The following AHCYL2 variants were observed in gnomAD, a reference collection of about 807,000 sequenced individuals.
The protein encoded by AHCYL2 is adenosylhomocysteinase like 2.
Under a neutral mutation model 81.4 loss-of-function variants are expected in AHCYL2, and 28 were observed. The ratio of observed to expected loss-of-function variants is 0.34; its 90% CI spans 0.25 to 0.47. The LOEUF is 0.47. Ranked by LOEUF, AHCYL2 falls within the 20% of genes least tolerant of loss-of-function variation. The pLI is 1.00. For synonymous variants in AHCYL2, 272 were observed against 290.2 expected (o/e 0.94, Z 0.64); for missense variants, 551 against 785.1 (o/e 0.70, Z 3.56).
intron 8 of AHCYL2, chr7:129,405,532 C>T: frequency 2.7e-6 from 1 of 365,270 alleles, no homozygotes. Flanking sequence ...GGAAAAAAAC[C>T]CTTACATATA....
intron 1 of AHCYL2, among the ~76,000 whole-genome samples, chr7:129,245,706 A>G (rs1246339106): frequency 6.6e-6 from 1 of 152,220 alleles, no homozygotes; most frequent in African/African-American, 2.4e-5. Flanking sequence ...AGGGTGAATA[A>G]TATTCCATTT....
At chr7:129,304,463 G>A (rs771247068) in intron 1 of AHCYL2, among the ~76,000 whole-genome samples, 1 of 152,178 alleles carries the variant, frequency 6.6e-6, no homozygotes, top group African/African-American at 2.4e-5. Flanking sequence ...TGATCTGTCC[G>A]ATGCTGAAAA....
intron 1 of AHCYL2, among the ~76,000 whole-genome samples, chr7:129,273,555 C>T (rs1584730267): frequency 6.8e-6 from 1 of 147,674 alleles, no homozygotes; most frequent in South Asian, 2.2e-4. Flanking sequence ...CTCGAACTCC[C>T]GACCTCAGGT....
At chr7:129,338,531 G>A (rs969708818) in intron 1 of AHCYL2, among the ~76,000 whole-genome samples, 2 of 152,254 alleles carry the variant, frequency 1.3e-5, no homozygotes, top group Admixed American at 1.3e-4. Context: ...CTCACCTGCA[G>A]TGGATGTGAG....
intron 1 of AHCYL2, among the ~76,000 whole-genome samples, chr7:129,329,583 G>C (rs1798346150): frequency 6.6e-6 from 1 of 152,202 alleles, no homozygotes; most frequent in Admixed American, 6.5e-5. Flanking sequence ...AGGAATGAAG[G>C]CAATTTTGTG....
rs929977211 is a variant in AHCYL2 at position 129,427,155 on chromosome 7, C to T, written c.*110C>T. 2.5e-5 allele frequency: 28 copies of T among 1,119,074 alleles called. No homozygotes were observed. In the African/African-American group the frequency reaches 3.0e-4, roughly 12 times the overall value. The allele number at this position is 1,119,074 out of a possible 1,614,324, so 69.3% of individuals were successfully genotyped here. ...TGCTTCTCCAATCAAAGCTGCCTGC[C>T]GTGCTCACCCTGTGTGTTAGGTTAT... On this transcript the variant is annotated 3_prime_UTR_variant, in exon 17 of 17. Coordinates refer to ENST00000325006, the MANE Select transcript of AHCYL2 (RefSeq NM_015328.4). The surrounding 1 kb of genome is among the most constrained non-coding windows in gnomAD (Gnocchi z 5.5).
intron 1 of AHCYL2, among the ~76,000 whole-genome samples, chr7:129,281,357 G>T (rs969166355): frequency 1.3e-5 from 2 of 152,024 alleles, no homozygotes; most frequent in South Asian, 4.1e-4. Flanking sequence ...TTAGGATAAT[G>T]CTGACATCAT....
intron 1 of AHCYL2, among the ~76,000 whole-genome samples, chr7:129,338,166 CTTT>C (rs528691946): frequency 2.1e-5 from 3 of 146,142 alleles, no homozygotes; most frequent in Non-Finnish European, 3.0e-5. Flanking sequence ...ATGCATTGTA[CTTT>C]TTTTTTTTTA....
In AHCYL2 at chr7:129,425,103, G is replaced by A. The variant is rs905747467; in HGVS notation, c.1670G>A (p.Arg557His). The change falls in exon 15 of 17, where the codon CGC becomes CAC. Residue 557 changes from arginine to histidine, a missense_variant. Physicochemically the swap from Arg to His is conservative, Grantham distance 29. This residue lies in a region of AHCYL2 where 316 missense variants were observed against 543.1 expected (regional missense o/e 0.58). Transcript: ENST00000325006. ...GAGCTTTACAATGCTCCTGAGGGTC[G>A]CTATAAGCAGGATGTCTACCTGTTG... ...LIELYNAPEG[R>H]YKQDVYLLPK... The A allele has an allele frequency of 5.0e-6, 8 of 1,613,370 alleles. No homozygotes were observed. Among genetic ancestry groups the A allele is most frequent in the African/African-American group, 4.0e-5 (3 of 74,882 alleles).
At chr7:129,229,053 T>TA (rs1223633713) in intron 1 of AHCYL2, among the ~76,000 whole-genome samples, 1 of 100,302 alleles carries the variant, frequency 1.0e-5, no homozygotes, top group Non-Finnish European at 2.1e-5. Flanking sequence ...TAGTTACCAA[T>TA]AATTAGCCTT....
intron 1 of AHCYL2, among the ~76,000 whole-genome samples, chr7:129,259,297 G>A (rs1204471046): frequency 1.3e-5 from 2 of 152,072 alleles, no homozygotes; most frequent in African/African-American, 4.8e-5. Flanking sequence ...AGCAGCACAG[G>A]AGCGACAAAT....
At chr7:129,416,569 G>A (rs1028540117) in intron 12 of AHCYL2, among the ~76,000 whole-genome samples, 8 of 151,654 alleles carry the variant, frequency 5.3e-5, no homozygotes, top group African/African-American at 1.9e-4. Flanking sequence ...AGGCCGAGAC[G>A]GGTGGATCAC....
chr7:129,425,056 T>A lies in AHCYL2; in HGVS notation c.1630-7T>A, dbSNP rs1562881900. On this transcript the variant is annotated splice_polypyrimidine_tract_variant and splice_region_variant and intron_variant, in intron 14 of 16. Transcript: ENST00000325006. ...GCACATCAGCATCCATCTCTCTGCT[T>A]TTCTAGGCTCTTGCCTTGATAGAGC... is the stretch of plus-strand genomic sequence containing the variant. 1 of 1,613,898 alleles carries A rather than the reference T, an allele frequency of 6.2e-7. No homozygotes were observed. Among genetic ancestry groups the A allele is most frequent in the Admixed American group, 1.7e-5 (1 of 60,024 alleles).
intron 1 of AHCYL2, among the ~76,000 whole-genome samples, chr7:129,370,247 C>T (rs907157379): frequency 6.6e-6 from 1 of 152,170 alleles, no homozygotes; most frequent in South Asian, 2.1e-4. Flanking sequence ...CATTTACCTT[C>T]TTTCTAGTTA....
chr7:129,422,415 C>T (rs1797159834), intron 12 of AHCYL2, among the ~76,000 whole-genome samples: 1 of 152,204 alleles, frequency 6.6e-6, no homozygotes, highest in Non-Finnish European at 1.5e-5. Context: ...GTTTCTTCAG[C>T]ACTTATATAT....
chr7:129,340,563 G>A (rs1203806865), intron 1 of AHCYL2, among the ~76,000 whole-genome samples: 3 of 139,722 alleles, frequency 2.1e-5, no homozygotes, highest in Non-Finnish European at 3.1e-5. Flanking sequence ...GCGAGACTCC[G>A]TCTCAAAAAA....
chr7:129,358,516 T>A (rs904137193), intron 1 of AHCYL2, among the ~76,000 whole-genome samples: 2 of 152,216 alleles, frequency 1.3e-5, no homozygotes. Context: ...ATTGTATGAT[T>A]CCACCTATAT....
intron 1 of AHCYL2, among the ~76,000 whole-genome samples, chr7:129,233,832 C>T (rs1011799881): frequency 1.3e-5 from 2 of 152,076 alleles, no homozygotes; most frequent in African/African-American, 4.8e-5. Flanking sequence ...CAGTCATAGG[C>T]TTTATGCCTC....
rs1797378040 is a variant in AHCYL2 at position 129,426,646 on chromosome 7, A to G, written c.1829+83A>G. 1 of 1,532,192 alleles carries G rather than the reference A, an allele frequency of 6.5e-7. No individual in the cohort carries two copies. Among genetic ancestry groups the G allele is most frequent in the East Asian group, 2.3e-5 (1 of 44,394 alleles). The allele number at this position is 1,532,192 out of a possible 1,614,324, so 94.9% of individuals were successfully genotyped here. ...GGAATTGGTCTTTGCATCCCCAACC[A>G]CATATGCTTACATGAACTCAGAAAA... On this transcript the variant is annotated intron_variant, in intron 16 of 16. Coordinates refer to ENST00000325006, the MANE Select transcript of AHCYL2 (RefSeq NM_015328.4). The surrounding 1 kb of genome is among the most constrained non-coding windows in gnomAD (Gnocchi z 4.3).
Sources: allele counts gnomAD v4.1 joint callset (sites outside exome capture counted in the v4.1 genomes callset), GRCh38; gene constraint gnomAD v4.1.1; regional missense constraint gnomAD v4.1.1; non-coding constraint Gnocchi (gnomAD v3.1); transcripts MANE v1.5; gene names NCBI Gene and HGNC (gene_info 2026-07-23, HGNC 2026-07-21).